Variants in ITGAL observed in about 807,000 individuals in gnomAD.
ITGAL encodes the protein integrin alpha-L.
Under a neutral mutation model 138.4 loss-of-function variants are expected in ITGAL, and 68 were observed. The ratio of observed to expected loss-of-function variants is 0.49; its 90% confidence interval spans 0.40 to 0.60. The LOEUF (loss-of-function observed/expected upper bound fraction) is 0.60, where lower values mean the gene tolerates loss of function less well. Among genes scored for constraint, ITGAL ranks in the 20% least tolerant of loss-of-function variants. ITGAL has a pLI of 0.00. For missense variants in ITGAL, 1,256 were observed against 1,478.6 expected, an observed-to-expected ratio of 0.85 and a Z score of 2.47; for synonymous variants, 561 against 584.3, an observed-to-expected ratio of 0.96 and a Z score of 0.57.
chr16:30,486,740 C>T (rs1157272688), intron 9 of ITGAL, among the ~76,000 whole-genome samples: 1 of 151,956 alleles, frequency 6.6e-6, no homozygotes, highest in Non-Finnish European at 1.5e-5. Flanking sequence ...TCTTCCAGGC[C>T]CTCAGAAAGA....
At chr16:30,472,928 CAT>C (rs1049338554) in intron 1 of ITGAL, 30 bp downstream of exon 1, 12 of 1,601,376 alleles carry the variant, frequency 7.5e-6, no homozygotes, top group Non-Finnish European at 1.0e-5. Flanking sequence ...GGGGAAGGGA[CAT>C]GTGTCTGTGA....
intron 6 of ITGAL, chr16:30,481,185 A>AC (rs1330585203): frequency 1.9e-5 from 7 of 373,598 alleles, no homozygotes; most frequent in East Asian, 6.1e-5. Context: ...CACACACACC[A>AC]CACACACACA....
chr16:30,486,503 T>A (rs928320246), intron 9 of ITGAL, among the ~76,000 whole-genome samples: 8 of 151,912 alleles, frequency 5.3e-5, no homozygotes, highest in East Asian at 3.9e-4. Context: ...AGTGATTTTT[T>A]AAAAAAAAGT....
In ITGAL at chr16:30,494,603, T is replaced by G; in HGVS notation, c.1366-110T>G. The G allele has an allele frequency of 7.4e-7, 1 of 1,356,020 alleles. No homozygotes were observed. Among genetic ancestry groups the G allele is most frequent in the Non-Finnish European group, 9.9e-7 (1 of 1,008,244 alleles). 84.0% of individuals were successfully genotyped at this position (1,356,020 alleles called of 1,614,324 possible). ...CATAGACTAGGGGTGGATCCAAGATTGGAACCTGCATTTGAGGGAGTGGCA... is the reference window on the plus strand; with the variant it reads ...CATAGACTAGGGGTGGATCCAAGATGGGAACCTGCATTTGAGGGAGTGGCA... On this transcript the variant is annotated intron_variant, in intron 12 of 30. Transcript: ENST00000356798. This position sits in a 1 kb window ranked among gnomAD's most constrained non-coding sequence, Gnocchi z 4.2.
intron 13 of ITGAL, among the ~76,000 whole-genome samples, chr16:30,495,312 G>A (rs759729264): frequency 2.0e-5 from 3 of 151,914 alleles, no homozygotes; most frequent in Admixed American, 6.6e-5. Context: ...GGTGCCTGCC[G>A]CCACACCCAG....
At chr16:30,499,526 C>A (rs1490843883) in intron 17 of ITGAL, 37 bp downstream of exon 17, 9 of 1,604,496 alleles carry the variant, frequency 5.6e-6, no homozygotes, top group Non-Finnish European at 7.7e-6. Flanking sequence ...GGATGAGCTA[C>A]CTGCAGGGGC....
chr16:30,501,548 G>C (rs2050898458), intron 17 of ITGAL, among the ~76,000 whole-genome samples: 1 of 144,502 alleles, frequency 6.9e-6, no homozygotes, highest in African/African-American at 2.6e-5. Flanking sequence ...TTGCACTCCA[G>C]CCTGAGCAAC....
chr16:30,492,505 G>A (rs556165543), intron 11 of ITGAL, among the ~76,000 whole-genome samples: 2 of 151,082 alleles, frequency 1.3e-5, no homozygotes, highest in South Asian at 4.2e-4. Flanking sequence ...ACCCGCCTTG[G>A]GCTCCCAGAG....
chr16:30,485,375 A>C (rs551697033), intron 9 of ITGAL, among the ~76,000 whole-genome samples: 16 of 147,804 alleles, frequency 1.1e-4, no homozygotes, highest in African/African-American at 2.0e-4. Flanking sequence ...TACAGGCGCC[A>C]GCCACCACGC....
At chr16:30,490,546 C>T (rs1017113521) in intron 11 of ITGAL, among the ~76,000 whole-genome samples, 1 of 152,256 alleles carries the variant, frequency 6.6e-6, no homozygotes, top group East Asian at 1.9e-4. Context: ...GTAGTGTTTC[C>T]CTCTCTGGCC....
intron 17 of ITGAL, among the ~76,000 whole-genome samples, chr16:30,500,841 C>T (rs1195126304): frequency 6.6e-6 from 1 of 152,098 alleles, no homozygotes; most frequent in Non-Finnish European, 1.5e-5. Flanking sequence ...CCCATCTCTA[C>T]TAAAAATACA....
chr16:30,516,889 GA>G, intron 25 of ITGAL, 83 bp from the exon 26 acceptor site: 1 of 917,864 alleles, frequency 1.1e-6, no homozygotes, highest in Non-Finnish European at 1.8e-6. Context: ...AGGACTGGAA[GA>G]GGCGTGCAAG....
intron 21 of ITGAL, among the ~76,000 whole-genome samples, chr16:30,508,112 G>T (rs998202079): frequency 6.7e-6 from 1 of 149,660 alleles, no homozygotes; most frequent in Non-Finnish European, 1.5e-5. Context: ...GTTTCACTGT[G>T]TTAGCCAGGA....
At chr16:30,507,740 G>A (rs2051025704) in intron 21 of ITGAL, among the ~76,000 whole-genome samples, 1 of 152,030 alleles carries the variant, frequency 6.6e-6, no homozygotes, top group Non-Finnish European at 1.5e-5. Context: ...GCCTACCTCA[G>A]CCTCCCAAAG....
chr16:30,516,053 G>C (rs1209950650), intron 25 of ITGAL, among the ~76,000 whole-genome samples: 1 of 151,784 alleles, frequency 6.6e-6, no homozygotes, highest in Non-Finnish European at 1.5e-5. Context: ...AATTTAACTG[G>C]TATTTCAAGT....
At chr16:30,478,949 A>G (rs188355151) in intron 4 of ITGAL, 142 bp from the exon 5 acceptor site, 1 of 680,080 alleles carries the variant, frequency 1.5e-6, no homozygotes, top group East Asian at 2.5e-5. Flanking sequence ...GTGGAGGCGG[A>G]CATTCCTTGC....
chr16:30,513,111 C>G (rs1330095259), intron 24 of ITGAL, among the ~76,000 whole-genome samples: 1 of 152,140 alleles, frequency 6.6e-6, no homozygotes, highest in Admixed American at 6.5e-5. Context: ...GGAGAAAGTG[C>G]GGCTTGGACT....
At chr16:30,520,251 T>C (rs565174212) in intron 30 of ITGAL, among the ~76,000 whole-genome samples, 2 of 152,136 alleles carry the variant, frequency 1.3e-5, no homozygotes, top group South Asian at 4.2e-4. Context: ...CTGGGCAACA[T>C]GGAAAGCATC....
At chr16:30,492,961 G>A (rs1194980103) in intron 11 of ITGAL, among the ~76,000 whole-genome samples, 6 of 151,964 alleles carry the variant, frequency 3.9e-5, no homozygotes, top group Non-Finnish European at 8.8e-5. Context: ...GTAGTTCAAG[G>A]CAGCCTTGAA....
Sources: gnomAD v4.1 joint callset for allele counts (sites outside exome capture counted in the v4.1 genomes callset) on GRCh38, gnomAD v4.1.1 for gene constraint, Gnocchi (gnomAD v3.1) non-coding constraint, MANE v1.5 for transcripts, NCBI Gene and HGNC (gene_info 2026-07-23, HGNC 2026-07-21) for gene names.